Variants in NRCAM observed in about 807,000 individuals in gnomAD.
NRCAM encodes the protein NgCAM-related cell adhesion molecule.
Under a neutral mutation model 156.5 loss-of-function variants are expected in NRCAM, and 83 were observed. The ratio of observed to expected loss-of-function variants is 0.53; its 90% CI spans 0.44 to 0.64. NRCAM has a LOEUF of 0.64. Among genes scored for constraint, NRCAM ranks in the 30% least tolerant of loss-of-function variants. NRCAM has a pLI of 0.00. For synonymous variants in NRCAM, 538 were observed against 563.9 expected, an observed-to-expected ratio of 0.95 and a Z score of 0.65; for missense variants, 1,417 against 1,597.3, an observed-to-expected ratio of 0.89 and a Z score of 1.92.
intron 3 of NRCAM, among the ~76,000 whole-genome samples, chr7:108,285,395 T>C (rs77467921): frequency 0.013 from 1,922 of 152,338 alleles, 17 homozygotes; most frequent in Non-Finnish European, 0.02. Context: ...TATCAGGGAA[T>C]ATGTGATGGG....
At position 108,277,078 on chromosome 7, in the gene NRCAM, C is replaced by G. The variant is rs2097660483; in HGVS notation, c.-107+35587G>C. Among the ~76,000 whole-genome samples the G allele has an allele frequency of 2.0e-5, 3 of 152,214 alleles. No homozygotes were observed. The South Asian group carries it at 6.2e-4, about 32-fold the overall frequency. ...AATATTGGCCCCCACTCTCTTCTGG[C>G]TTGTAGGGTTTCTGCAGAGAGATCC... On this transcript the variant is annotated intron_variant, in intron 3 of 32. Coordinates refer to ENST00000379028, the MANE Select transcript of NRCAM (RefSeq NM_001037132.4).
At chr7:108,442,875 G>C (rs1840163318) in intron 1 of NRCAM, among the ~76,000 whole-genome samples, 1 of 152,272 alleles carries the variant, frequency 6.6e-6, no homozygotes, top group East Asian at 1.9e-4. Context: ...TCACTTCCTT[G>C]TGTGTTAAAA....
At chr7:108,159,653 G>A (rs1426462966) in intron 31 of NRCAM, 112 bp from the exon 32 acceptor site, 22 of 752,072 alleles carry the variant, frequency 2.9e-5, no homozygotes, top group Non-Finnish European at 4.5e-5. Flanking sequence ...CCATACACAA[G>A]TAGATGTTGT....
Position 108,181,835 on chromosome 7 carries a change from AGGTGTCCTC to A in NRCAM, c.2624_2632del (p.Arg875_His877del). The A allele has an allele frequency of 6.2e-7, 1 of 1,613,330 alleles. No individual in the cohort carries two copies. Among genetic ancestry groups the A allele is most frequent in the South Asian group, 1.1e-5 (1 of 91,034 alleles). On this transcript the variant is annotated inframe_deletion, in exon 24 of 33. Transcript: ENST00000379028. ...CCTTTCACTTGCCCGATAGCCTTGT[AGGTGTCCTC>A]GGATGCTTTTCAGAGGTACTGGGTC...
intron 3 of NRCAM, among the ~76,000 whole-genome samples, chr7:108,303,688 A>G (rs574305448): frequency 5.3e-5 from 8 of 151,954 alleles, no homozygotes; most frequent in Non-Finnish European, 1.2e-4. Context: ...TATCTACTAC[A>G]TGGCTTCATG....
At position 108,232,380 on chromosome 7, in the gene NRCAM, C is replaced by T; in HGVS notation, c.373G>A (p.Ala125Thr). The change falls in exon 7 of 33, where the codon GCA becomes ACA. Residue 125 changes from alanine (A) to threonine (T), a missense_variant. Ala to Thr is a moderately conservative substitution (Grantham distance 58). Transcript: ENST00000379028. The stretch of plus-strand genomic sequence containing the variant: ...ACTGCAGCTCCGCGTTCGTTCCTTG[C>T]TGTACACTGATAGACTCCTTCATAG... ...ETYEGVYQCT[A>T]RNERGAAVSN... 1 of 1,613,090 alleles carries T rather than the reference C, an allele frequency of 6.2e-7. No individual in the cohort carries two copies. Among genetic ancestry groups the T allele is most frequent in the South Asian group, 1.1e-5 (1 of 90,916 alleles).
At chr7:108,201,188 A>AAAG (rs1306517380) in intron 13 of NRCAM, among the ~76,000 whole-genome samples, 3 of 151,858 alleles carry the variant, frequency 2.0e-5, no homozygotes, top group African/African-American at 4.8e-5. Flanking sequence ...AAAAAAAAAA[A>AAAG]AAAAGAAAAA....
intron 11 of NRCAM, among the ~76,000 whole-genome samples, chr7:108,214,538 C>T (rs1203945550): frequency 1.3e-5 from 2 of 152,040 alleles, no homozygotes; most frequent in East Asian, 3.8e-4. Flanking sequence ...TTTTGTTAAT[C>T]TTTTCAAAAA....
chr7:108,313,281 G>T (rs1288593322), intron 2 of NRCAM: 4 of 152,120 alleles, frequency 2.6e-5, no homozygotes, highest in African/African-American at 4.8e-5. Flanking sequence ...CAGCCTCAAT[G>T]TTTCCTTTGC....
At chr7:108,195,520 G>A (rs898975300) in intron 15 of NRCAM, among the ~76,000 whole-genome samples, 3 of 152,088 alleles carry the variant, frequency 2.0e-5, no homozygotes, top group African/African-American at 7.2e-5. Flanking sequence ...AGAGGCTGAG[G>A]CAGGAGATAT....
intron 3 of NRCAM, among the ~76,000 whole-genome samples, chr7:108,299,668 T>C (rs1367866549): frequency 1.3e-5 from 2 of 152,230 alleles, no homozygotes; most frequent in Non-Finnish European, 1.5e-5. Flanking sequence ...TTATTTGATG[T>C]GAACGGGCAG....
intron 5 of NRCAM, 97 bp from the exon 6 acceptor site, chr7:108,234,785 A>C: frequency 1.2e-6 from 1 of 846,414 alleles, no homozygotes; most frequent in Non-Finnish European, 2.0e-6. Flanking sequence ...CCTTAGACTA[A>C]ATATGCTTCA....
chr7:108,341,204 C>T (rs1034114866), intron 2 of NRCAM, among the ~76,000 whole-genome samples: 19 of 152,204 alleles, frequency 1.2e-4, no homozygotes, highest in African/African-American at 4.6e-4. Context: ...AGTCAGAAGC[C>T]ACTAACCAGA....
chr7:108,402,104 T>G (rs2099794365), intron 1 of NRCAM, among the ~76,000 whole-genome samples: 1 of 152,206 alleles, frequency 6.6e-6, no homozygotes, highest in South Asian at 2.1e-4. Context: ...AAAACTGCCC[T>G]AAATAACTCA....
chr7:108,188,379 CTGTGTGTG>C (rs71137612), intron 20 of NRCAM, among the ~76,000 whole-genome samples: 1 of 150,272 alleles, frequency 6.7e-6, no homozygotes, highest in African/African-American at 2.4e-5. Flanking sequence ...TCTGAGTCCT[CTGTGTGTG>C]TGTGTGTGTG....
At chr7:108,327,328 T>C (rs1371420316) in intron 2 of NRCAM, among the ~76,000 whole-genome samples, 2 of 152,216 alleles carry the variant, frequency 1.3e-5, no homozygotes, top group South Asian at 2.1e-4. Context: ...AACTGAATAG[T>C]GCAAACTATA....
intron 13 of NRCAM, among the ~76,000 whole-genome samples, chr7:108,201,186 A>C (rs951525343): frequency 2.6e-5 from 4 of 151,838 alleles, no homozygotes; most frequent in African/African-American, 9.7e-5. Flanking sequence ...TAAAAAAAAA[A>C]AAAAAAGAAA....
intron 10 of NRCAM, among the ~76,000 whole-genome samples, 182 bp from the exon 11 acceptor site, chr7:108,224,018 C>T (rs1008071127): frequency 6.6e-6 from 1 of 152,182 alleles, no homozygotes; most frequent in Non-Finnish European, 1.5e-5. Context: ...ATCACTTACT[C>T]AGTTACCCAG....
At chr7:108,290,607 G>A (rs1025857178) in intron 3 of NRCAM, among the ~76,000 whole-genome samples, 3 of 152,194 alleles carry the variant, frequency 2.0e-5, no homozygotes, top group Admixed American at 2.0e-4. Context: ...AAACATTTCC[G>A]ACAGATTTCA....
Sources: allele counts gnomAD v4.1 joint callset (sites outside exome capture counted in the v4.1 genomes callset), GRCh38; gene constraint gnomAD v4.1.1; transcripts MANE v1.5; gene names NCBI Gene and HGNC (gene_info 2026-07-23, HGNC 2026-07-21).